The following ANKRD27 variants were observed in gnomAD, a reference collection of about 807,000 sequenced individuals.
ANKRD27 encodes ankyrin repeat domain-containing protein 27.
In ANKRD27, 112 loss-of-function variants were observed where a neutral mutation model predicts 129.7. The observed-to-expected ratio is 0.86, with a 90% CI of 0.74 to 1.01. The LOEUF is 1.01. Ranked by LOEUF, ANKRD27 falls within the 50% of genes least tolerant of loss-of-function variation. The pLI, the probability that ANKRD27 is intolerant of heterozygous loss-of-function variation, is 0.00. For synonymous variants in ANKRD27, 516 were observed against 511.2 expected, an observed-to-expected ratio of 1.01 and a Z score of -0.13; for missense variants, 1,258 against 1,300.5, an observed-to-expected ratio of 0.97 and a Z score of 0.50.
rs562931288 is a variant in ANKRD27 at position 32,607,754 on chromosome 19, C to T, written c.2254G>A (p.Ala752Thr). ...QDGSSPLHVA[A>T]LHGRADLIPL... ...ATGAGGTCCGCCCGGCCGTGCAGGG[C>T]GGCGACATGCAGCGGGGAGGAGCCG... The change falls in exon 23 of 29, where the codon GCC becomes ACC. Residue 752 changes from alanine (A) to threonine (T), a missense_variant. Physicochemically the swap from Ala to Thr is moderately conservative, Grantham distance 58. Transcript: ENST00000306065. The T allele has an allele frequency of 2.0e-5, 33 of 1,612,898 alleles. No individual in the cohort carries two copies. Among genetic ancestry groups the T allele is most frequent in the Admixed American group, 5.0e-5 (3 of 59,866 alleles).
At chr19:32,621,559 T>C (rs1415661275) in intron 18 of ANKRD27, among the ~76,000 whole-genome samples, 1 of 152,088 alleles carries the variant, frequency 6.6e-6, no homozygotes, top group Non-Finnish European at 1.5e-5. Context: ...ACCTAGGAAG[T>C]GGAGGTTGCA....
chr19:32,632,488 G>A (rs1967012686), intron 12 of ANKRD27, among the ~76,000 whole-genome samples: 1 of 151,082 alleles, frequency 6.6e-6, no homozygotes. Flanking sequence ...AGGAGGCTGA[G>A]GCAGGAGAAT....
At chr19:32,668,032 T>C (rs1187628625) in intron 1 of ANKRD27, among the ~76,000 whole-genome samples, 2 of 152,212 alleles carry the variant, frequency 1.3e-5, no homozygotes, top group Admixed American at 1.3e-4. Flanking sequence ...GAAAACACTA[T>C]GCATACATAA....
At chr19:32,617,023 A>G (rs1971930608) in intron 21 of ANKRD27, among the ~76,000 whole-genome samples, 1 of 150,952 alleles carries the variant, frequency 6.6e-6, no homozygotes, top group South Asian at 2.1e-4. Context: ...GTCTCATCAC[A>G]CTCCTGGAGT....
chr19:32,601,025 G>A (rs542005734), intron 26 of ANKRD27, among the ~76,000 whole-genome samples: 27 of 152,256 alleles, frequency 1.8e-4, no homozygotes, highest in African/African-American at 4.6e-4. Flanking sequence ...GAGGCCAGGC[G>A]CGGTGGCTCA....
At position 32,646,462 on chromosome 19, in the gene ANKRD27, A is replaced by C. The variant is rs747938299; in HGVS notation, c.367T>G (p.Ser123Ala). The change falls in exon 4 of 29, where the codon TCA (serine) becomes GCA (alanine). Residue 123 changes from serine to alanine, a missense_variant. Coordinates refer to ENST00000306065, the MANE Select transcript of ANKRD27 (RefSeq NM_032139.3). ...IAHPLEKRES[S>A]EEPLAPSDPF... Reference sequence around the variant, plus strand: ...AAGGTTTTTTCTCCCAGAATACCTGAACTCTCTCTCTTTTCCAAAGGATGG... The same window carrying C: ...AAGGTTTTTTCTCCCAGAATACCTGCACTCTCTCTCTTTTCCAAAGGATGG... The C allele has an allele frequency of 6.2e-7, 1 of 1,601,804 alleles. No individual in the cohort carries two copies. Among genetic ancestry groups the C allele is most frequent in the East Asian group, 2.2e-5 (1 of 44,824 alleles).
intron 4 of ANKRD27, 87 bp from the exon 5 acceptor site, chr19:32,644,566 G>C: frequency 4.2e-6 from 6 of 1,441,180 alleles, no homozygotes; most frequent in Non-Finnish European, 5.7e-6. Context: ...GGCCCTCTGG[G>C]GAGGAGGGCA....
intron 20 of ANKRD27, among the ~76,000 whole-genome samples, chr19:32,618,450 A>AG: frequency 1.2e-5 from 1 of 83,296 alleles, no homozygotes; most frequent in Admixed American, 1.0e-4. Flanking sequence ...TGTCCCAAAA[A>AG]GAAAAAAAAA....
At position 32,597,358 on chromosome 19, in the gene ANKRD27, A is replaced by G. The variant is rs1288151115; in HGVS notation, c.*787T>C. 2.0e-5 allele frequency: 3 copies of G among 152,658 alleles called. No homozygotes were observed. The highest frequency in any genetic ancestry group is 4.4e-5 in the Non-Finnish European group (3 of 68,046). 9.5% of individuals were successfully genotyped at this position (152,658 alleles called of 1,614,324 possible). A position where few individuals can be genotyped will look rare whatever the true frequency, so the allele number is the denominator to read the frequency against. ...GAATTTGAATCAAAAGACTAAGAAA[A>G]GATGTGCCAAATCTACTCTCTAATC... On this transcript the variant is annotated 3_prime_UTR_variant, in exon 29 of 29. Transcript: ENST00000306065.
rs966202564 is a variant in ANKRD27, at chr19:32,617,603, C to T, written c.2038G>A (p.Gly680Arg). The change falls in exon 21 of 29, where the codon GGA (glycine) becomes AGA (arginine). Residue 680 changes from glycine (G) to arginine (R), a missense_variant. Physicochemically the swap from Gly to Arg is moderately radical, Grantham distance 125 (BLOSUM62 -2). Transcript: ENST00000306065. The part of the protein sequence containing the change: ...VEKLLRAVAD[G>R]DLEMVRYLLE... ...TAAAAACTCACCATTTCTAGATCTC[C>T]ATCAGCAACTGCTCTCAAAAGTTTT... The T allele has an allele frequency of 2.6e-6, 2 of 756,876 alleles. No individual in the cohort carries two copies. Among genetic ancestry groups the T allele is most frequent in the Admixed American group, 1.9e-5 (1 of 53,480 alleles). 46.9% of individuals were successfully genotyped at this position (756,876 alleles called of 1,614,324 possible).
chr19:32,643,269 TA>T lies in ANKRD27; in HGVS notation c.705+17del. 1 of 1,614,084 alleles carries T rather than the reference TA, an allele frequency of 6.2e-7. No individual in the cohort carries two copies. Among genetic ancestry groups the T allele is most frequent in the Non-Finnish European group, 8.5e-7 (1 of 1,180,016 alleles). On this transcript the variant is annotated intron_variant, in intron 8 of 28. Coordinates refer to ENST00000306065, the MANE Select transcript of ANKRD27 (RefSeq NM_032139.3). ...AGAAGAAGGCTTCCATCTTGGGTGA[TA>T]ATAACTGAGAACCTACCTCACTTGC...
chr19:32,625,990 G>A lies in ANKRD27; in HGVS notation c.1537-24C>T, dbSNP rs542665902. 1.8e-5 allele frequency: 28 copies of A among 1,583,988 alleles called. No homozygotes were observed. The Admixed American group carries it at 2.9e-4, about 17-fold the overall frequency. On this transcript the variant is annotated intron_variant, in intron 16 of 28. Coordinates refer to ENST00000306065, the MANE Select transcript of ANKRD27 (RefSeq NM_032139.3). ...AGCTGCGGAGATAAAGGAAAGCGAT[G>A]AGCAGGGCACAGCCGGCTCCCTGGG...
In ANKRD27 at chr19:32,631,498, C is replaced by A. The variant is rs779828076; in HGVS notation, c.1117-4G>T. 2.5e-6 allele frequency: 4 copies of A among 1,613,170 alleles called. No individual in the cohort carries two copies. Among genetic ancestry groups the A allele is most frequent in the Non-Finnish European group, 3.4e-6 (4 of 1,179,432 alleles). On this transcript the variant is annotated splice_polypyrimidine_tract_variant and splice_region_variant and intron_variant, in intron 12 of 28. Coordinates refer to ENST00000306065, the MANE Select transcript of ANKRD27 (RefSeq NM_032139.3). ...TGTCTCCAAATCCCTCAGACTCCTG[C>A]AGGGAAAAAACCAAACACACCACGA...
At chr19:32,639,191 G>T in intron 12 of ANKRD27, 165 bp downstream of exon 12, 1 of 759,840 alleles carries the variant, frequency 1.3e-6, no homozygotes, top group Non-Finnish European at 2.1e-6. Context: ...AGGGCTTGGT[G>T]TTCTCTTCAC....
chr19:32,614,209 C>T (rs764179793), intron 22 of ANKRD27, among the ~76,000 whole-genome samples: 10 of 152,062 alleles, frequency 6.6e-5, no homozygotes, highest in Non-Finnish European at 1.3e-4. Context: ...ACAGGTTTTA[C>T]ATCTGTAAAA....
chr19:32,662,977 G>A (rs571192694), intron 1 of ANKRD27, among the ~76,000 whole-genome samples: 1 of 152,316 alleles, frequency 6.6e-6, no homozygotes, highest in East Asian at 1.9e-4. Context: ...AGGAGGCAGA[G>A]GTTGCAGTGA....
Position 32,597,916 on chromosome 19 carries a change from T to C in ANKRD27, c.*229A>G. ...TAAGGATCTGGATGCTACTGGAATT[T>C]TTGTCTGTTTCAATTGTATTCATTA... On this transcript the variant is annotated 3_prime_UTR_variant, in exon 29 of 29. Coordinates refer to ENST00000306065, the MANE Select transcript of ANKRD27 (RefSeq NM_032139.3). 3.5e-6 allele frequency: 2 copies of C among 569,932 alleles called. No homozygotes were observed. The highest frequency in any genetic ancestry group is 6.3e-6 in the Non-Finnish European group (2 of 318,312). The allele number at this position is 569,932 out of a possible 1,614,324, so 35.3% of individuals were successfully genotyped here.
chr19:32,626,091 T>TA, intron 16 of ANKRD27, 125 bp from the exon 17 acceptor site: 1 of 643,870 alleles, frequency 1.6e-6, no homozygotes, highest in Non-Finnish European at 2.5e-6. Context: ...CTATTCAAAT[T>TA]AAACCAACAC....
intron 1 of ANKRD27, among the ~76,000 whole-genome samples, 198 bp downstream of exon 1, chr19:32,674,873 G>A (rs1967953297): frequency 6.6e-6 from 1 of 151,956 alleles, no homozygotes; most frequent in African/African-American, 2.4e-5. Context: ...AGGGCGCGCC[G>A]GCTGCGCACC....
Sources: allele counts gnomAD v4.1 joint callset (sites outside exome capture counted in the v4.1 genomes callset), GRCh38; gene constraint gnomAD v4.1.1; transcripts MANE v1.5; gene names NCBI Gene and HGNC (gene_info 2026-07-23, HGNC 2026-07-21).